DPYSL2: variants seen among roughly 807,000 people sequenced by gnomAD.
DPYSL2 encodes the protein dihydropyrimidinase like 2.
DPYSL2 carries 13 observed loss-of-function variants against 69.9 expected under a neutral mutation model. The observed-to-expected ratio is 0.19, with a 90% CI of 0.12 to 0.30. The LOEUF (loss-of-function observed/expected upper bound fraction) is 0.30. DPYSL2 is among the 10% of genes least tolerant of loss of function. The probability of loss-of-function intolerance (pLI) is 1.00; values close to 1 mark genes in which losing one functional copy is unlikely to be tolerated. For missense variants in DPYSL2, 587 were observed against 918.9 expected (o/e 0.64, Z 4.67); for synonymous variants, 326 against 359.1 (o/e 0.91, Z 1.04).
At chr8:26,595,558 G>C (rs1018086642) in intron 3 of DPYSL2, among the ~76,000 whole-genome samples, 8 of 152,166 alleles carry the variant, frequency 5.3e-5, no homozygotes, top group African/African-American at 1.9e-4. Flanking sequence ...TGTCTGCTAG[G>C]GGGGTTGCAT....
In DPYSL2 at chr8:26,566,688, G is replaced by A. The variant is rs557860481; in HGVS notation, c.355-15281G>A. ...TTCTAGAAACTTTAACTAAATGGACGAGGCCTAAGACAGGACCTGGTTGTA... is the reference window on the plus strand; with the variant it reads ...TTCTAGAAACTTTAACTAAATGGACAAGGCCTAAGACAGGACCTGGTTGTA... On this transcript the variant is annotated intron_variant, in intron 1 of 13. Coordinates refer to ENST00000521913, the MANE Select transcript of DPYSL2 (RefSeq NM_001197293.3). 1.2e-3 allele frequency among the ~76,000 whole-genome samples: 178 copies of A among 152,288 alleles called. 3 individuals carry two copies. The Middle Eastern group carries it at 0.021, about 18-fold the overall frequency.
At position 26,582,072 on chromosome 8, in the gene DPYSL2, T is replaced by C. The variant is rs1177630852; in HGVS notation, c.443+15T>C. ...GGGTTGATCAAGTAAGTGTAACTCA[T>C]GATATACAGATGTATTTGAACACTT... On this transcript the variant is annotated intron_variant, in intron 2 of 13. Transcript: ENST00000521913. The surrounding 1 kb of genome is among the most constrained non-coding windows in gnomAD (Gnocchi z 4.1). 1.1e-5 allele frequency: 18 copies of C among 1,596,612 alleles called. No homozygotes were observed. The highest frequency in any genetic ancestry group is 1.5e-5 in the Non-Finnish European group (18 of 1,165,002).
intron 3 of DPYSL2, among the ~76,000 whole-genome samples, chr8:26,615,072 G>A (rs1419804808): frequency 6.6e-6 from 1 of 152,222 alleles, no homozygotes; most frequent in African/African-American, 2.4e-5. Flanking sequence ...GGCACGGGAG[G>A]TGTGGCTGTT....
chr8:26,593,872 A>G lies in DPYSL2; in HGVS notation c.628+9889A>G, dbSNP rs555679217. Among the ~76,000 whole-genome samples the G allele has an allele frequency of 6.6e-6, 1 of 152,158 alleles. No homozygotes were observed. Among genetic ancestry groups the G allele is most frequent in the Non-Finnish European group, 1.5e-5 (1 of 68,032 alleles). ...GTGTTTATGACCTAATCACTCTCTA[A>G]TGATAGGTCAGGACTGGAATCTTTC... On this transcript the variant is annotated intron_variant, in intron 3 of 13. Transcript: ENST00000521913. The surrounding 1 kb of genome is among the most constrained non-coding windows in gnomAD (Gnocchi z 5.7).
chr8:26,556,047 A>G (rs1800944084), intron 1 of DPYSL2, among the ~76,000 whole-genome samples: 1 of 95,582 alleles, frequency 1.0e-5, no homozygotes, highest in African/African-American at 4.2e-5. Flanking sequence ...TATATAGTTT[A>G]TAGTATATAT....
At chr8:26,523,318 A>G (rs1048429267) in intron 1 of DPYSL2, among the ~76,000 whole-genome samples, 16 of 152,280 alleles carry the variant, frequency 1.1e-4, no homozygotes, top group Middle Eastern at 3.4e-3. Context: ...TTATATTGTA[A>G]TAACTACACA....
At chr8:26,529,098 C>G (rs1800440142) in intron 1 of DPYSL2, among the ~76,000 whole-genome samples, 1 of 152,092 alleles carries the variant, frequency 6.6e-6, no homozygotes, top group Admixed American at 6.6e-5. Flanking sequence ...GCAGTCTCTC[C>G]AGGATCGGCA....
intron 1 of DPYSL2, among the ~76,000 whole-genome samples, chr8:26,537,635 A>ACACACACACACACACACACAC (rs1242479473): frequency 1.6e-4 from 4 of 24,516 alleles, no homozygotes; most frequent in South Asian, 1.5e-3. Flanking sequence ...CACACACACA[A>ACACACACACACACACACACAC]CTGTATATTT....
chr8:26,581,938 G>A lies in DPYSL2; in HGVS notation c.355-31G>A, dbSNP rs140494039. 380 of 1,529,692 alleles carry A rather than the reference G, an allele frequency of 2.5e-4. 1 individual carries two copies. The African/African-American group carries it at 3.7e-3, about 15-fold the overall frequency. The allele number at this position is 1,529,692 out of a possible 1,614,324, so 94.8% of individuals were successfully genotyped here. A position where few individuals can be genotyped will look rare whatever the true frequency, so the allele number is the denominator to read the frequency against. On this transcript the variant is annotated intron_variant, in intron 1 of 13. Transcript: ENST00000521913. Reference sequence around the variant, plus strand: ...CACCTGTTTCTCATAGGTCAGTTACGCGTTGTGACCTTACTGCCTCTTTGT... The same window carrying A: ...CACCTGTTTCTCATAGGTCAGTTACACGTTGTGACCTTACTGCCTCTTTGT...
At position 26,643,820 on chromosome 8, in the gene DPYSL2, G is replaced by A. The variant is rs1443841683; in HGVS notation, c.1284-130G>A. 1 of 1,315,320 alleles carries A rather than the reference G, an allele frequency of 7.6e-7. No individual in the cohort carries two copies. The highest frequency in any genetic ancestry group is 1.5e-5 in the African/African-American group (1 of 67,702). 81.5% of individuals were successfully genotyped at this position (1,315,320 alleles called of 1,614,324 possible). A position where few individuals can be genotyped will look rare whatever the true frequency, so the allele number is the denominator to read the frequency against. On this transcript the variant is annotated intron_variant, in intron 9 of 13. Transcript: ENST00000521913. The surrounding 1 kb of genome is among the most constrained non-coding windows in gnomAD (Gnocchi z 6.5). Reference sequence around the variant, plus strand: ...GCCATGTTGAAAGTCAAGCCAAGAAGGGAGAGGAGGCGTCAAAAGGACTCC... The same window carrying A: ...GCCATGTTGAAAGTCAAGCCAAGAAAGGAGAGGAGGCGTCAAAAGGACTCC...
At chr8:26,544,449 C>T (rs1407681469) in intron 1 of DPYSL2, among the ~76,000 whole-genome samples, 1 of 152,196 alleles carries the variant, frequency 6.6e-6, no homozygotes, top group East Asian at 1.9e-4. Flanking sequence ...TTTATTACCA[C>T]TACGTTTAAT....
intron 8 of DPYSL2, chr8:26,637,921 G>A (rs1454720273): frequency 6.6e-6 from 1 of 152,256 alleles, no homozygotes; most frequent in Non-Finnish European, 1.5e-5. Context: ...GAAGGGGCTG[G>A]TCTAACCTTG....
At chr8:26,554,660 A>G (rs1800916820) in intron 1 of DPYSL2, among the ~76,000 whole-genome samples, 1 of 152,120 alleles carries the variant, frequency 6.6e-6, no homozygotes, top group Non-Finnish European at 1.5e-5. Context: ...TTTTACATTT[A>G]AGCCTTTTAT....
At position 26,560,422 on chromosome 8, in the gene DPYSL2, G is replaced by A. The variant is rs1051815657; in HGVS notation, c.355-21547G>A. On this transcript the variant is annotated intron_variant, in intron 1 of 13. Transcript: ENST00000521913. The surrounding 1 kb of genome is among the most constrained non-coding windows in gnomAD (Gnocchi z 4.4). Reference sequence around the variant, plus strand: ...GATTGCAGCCCTCTGCTGGTGGGATGCACCTATCTGCAGGTCTGGGAAGGT... The same window carrying A: ...GATTGCAGCCCTCTGCTGGTGGGATACACCTATCTGCAGGTCTGGGAAGGT... Among the ~76,000 whole-genome samples the A allele has an allele frequency of 1.1e-4, 16 of 152,180 alleles. No homozygotes were observed. Among genetic ancestry groups the A allele is most frequent in the African/African-American group, 3.9e-4 (16 of 41,430 alleles).
Position 26,627,350 on chromosome 8 carries a change from C to T in DPYSL2, c.936+55C>T, listed in dbSNP as rs1802642769. The stretch of plus-strand genomic sequence containing the variant: ...CATCACCTGGAGGGTGAGAGGCAGG[C>T]TCAAGAAAGGGAAGCTGCATCTGTA... On this transcript the variant is annotated intron_variant, in intron 6 of 13. Coordinates refer to ENST00000521913, the MANE Select transcript of DPYSL2 (RefSeq NM_001197293.3). The surrounding 1 kb of genome is among the most constrained non-coding windows in gnomAD (Gnocchi z 6.9). 3 of 1,568,192 alleles carry T rather than the reference C, an allele frequency of 1.9e-6. No homozygotes were observed. The highest frequency in any genetic ancestry group is 2.6e-6 in the Non-Finnish European group (3 of 1,139,034).
Position 26,608,493 on chromosome 8 carries a change from A to G in DPYSL2, c.629-15650A>G, listed in dbSNP as rs538651920. ...TCTCTTACCCACATCATTCTTGAGG[A>G]CGAAGAGAAAATACCTGTGAGGAAG... On this transcript the variant is annotated intron_variant, in intron 3 of 13. Transcript: ENST00000521913. 3.3e-5 allele frequency among the ~76,000 whole-genome samples: 5 copies of G among 152,308 alleles called. No homozygotes were observed. In the East Asian group the frequency reaches 9.6e-4, roughly 29 times the overall value.
At position 26,617,851 on chromosome 8, in the gene DPYSL2, T is replaced by TA. The variant is rs1802391251; in HGVS notation, c.629-6291dup. ...GGCCAGGGTTTGGGAGTAGCAGGGG[T>TA]AGGAGGGAATGGGGAGTGACTGTAA... On this transcript the variant is annotated intron_variant, in intron 3 of 13. Coordinates refer to ENST00000521913, the MANE Select transcript of DPYSL2 (RefSeq NM_001197293.3). This position sits in a 1 kb window ranked among gnomAD's most constrained non-coding sequence, Gnocchi z 4.7. 6.6e-6 allele frequency among the ~76,000 whole-genome samples: 1 copy of TA among 151,666 alleles called. No homozygotes were observed. The highest frequency in any genetic ancestry group is 6.6e-5 in the Admixed American group (1 of 15,222).
At chr8:26,554,779 A>G (rs1313250034) in intron 1 of DPYSL2, among the ~76,000 whole-genome samples, 1 of 152,216 alleles carries the variant, frequency 6.6e-6, no homozygotes, top group Non-Finnish European at 1.5e-5. Flanking sequence ...TATGAGGCCA[A>G]AATTACCCTA....
intron 10 of DPYSL2, among the ~76,000 whole-genome samples, chr8:26,645,237 A>G (rs1042053863): frequency 6.6e-6 from 1 of 152,006 alleles, no homozygotes; most frequent in African/African-American, 2.4e-5. Context: ...TGTCTCTACT[A>G]AAAATACAAA....
Sources: gnomAD v4.1 joint callset for allele counts (sites outside exome capture counted in the v4.1 genomes callset) on GRCh38, gnomAD v4.1.1 for gene constraint, Gnocchi (gnomAD v3.1) non-coding constraint, MANE v1.5 for transcripts, NCBI Gene and HGNC (gene_info 2026-07-23, HGNC 2026-07-21) for gene names.